MYO18B: variants seen among roughly 807,000 people sequenced by gnomAD.
MYO18B encodes myosin XVIIIB.
MYO18B carries 204 observed loss-of-function variants against 273.0 expected under a neutral mutation model. The observed-to-expected ratio is 0.75, with a 90% CI of 0.67 to 0.84. The LOEUF is 0.84. Ranked by LOEUF, MYO18B falls within the 40% of genes least tolerant of loss-of-function variation. The pLI, the probability that MYO18B is intolerant of heterozygous loss-of-function variation, is 0.00. For missense variants in MYO18B, 3,212 were observed against 3,287.6 expected, an observed-to-expected ratio of 0.98 and a Z score of 0.56; for synonymous variants, 1,330 against 1,305.7, an observed-to-expected ratio of 1.02 and a Z score of -0.40.
At position 25,898,319 on chromosome 22, in the gene MYO18B, C is replaced by CA. The variant is rs1176542971; in HGVS notation, c.4684dup (p.Ser1562LysfsTer4). Reference sequence around the variant, plus strand: ...ATTACTCTTACAGCTTGGGGAGTTGCAAAGTGCTTATGACGGGGCCAAGAA... The same window carrying CA: ...ATTACTCTTACAGCTTGGGGAGTTGCAAAAGTGCTTATGACGGGGCCAAGAA... On this transcript the variant is annotated frameshift_variant, in exon 29 of 44. Transcript: ENST00000335473. LOFTEE classifies it high-confidence loss of function. 4.3e-6 allele frequency: 7 copies of CA among 1,613,478 alleles called. No individual in the cohort carries two copies. Among genetic ancestry groups the CA allele is most frequent in the Non-Finnish European group, 5.9e-6 (7 of 1,179,692 alleles).
chr22:26,032,445 C>T (rs1358444544), downstream of MYO18B, among the ~76,000 whole-genome samples: 3 of 151,430 alleles, frequency 2.0e-5, no homozygotes, highest in Non-Finnish European at 1.5e-5. Context: ...TCTGTGTCCA[C>T]ATTTTTCTCT....
chr22:26,001,338 T>A (rs8137159), intron 40 of MYO18B, among the ~76,000 whole-genome samples: 5,369 of 152,232 alleles, frequency 0.035, 125 homozygotes, highest in African/African-American at 0.059. Flanking sequence ...CTCCAAGGTA[T>A]AGATGGCGCA....
chr22:25,937,516 T>C (rs1240536317), intron 34 of MYO18B, among the ~76,000 whole-genome samples: 1 of 151,926 alleles, frequency 6.6e-6, no homozygotes, highest in African/African-American at 2.4e-5. Flanking sequence ...TCTTAAGATA[T>C]TCTCCCCCAT....
chr22:25,946,205 G>A lies in MYO18B; in HGVS notation c.5586G>A (p.Glu1862=), dbSNP rs775052563. Residue 1862 remains glutamate (E), a synonymous_variant, in exon 35 of 44, where the codon GAG becomes GAA. Transcript: ENST00000335473. ...AGAAGGTGCTCACAGCGGACCTGGAGAGCATGCACAGCGAGCTGGAGAACA... is the reference window on the plus strand; with the variant it reads ...AGAAGGTGCTCACAGCGGACCTGGAAAGCATGCACAGCGAGCTGGAGAACA... ...KTQKVLTADL[E]SMHSELENMT... 1.2e-5 allele frequency: 19 copies of A among 1,584,330 alleles called. No individual in the cohort carries two copies. In the South Asian group the frequency reaches 2.2e-4, roughly 18 times the overall value.
rs147527150 is a variant in MYO18B, at chr22:25,794,132, A to C, written c.2377-3821A>C. Among the ~76,000 whole-genome samples the C allele has an allele frequency of 6.6e-4, 100 of 151,930 alleles. 1 individual carries two copies. The East Asian group carries it at 0.018, about 27-fold the overall frequency. ...GTATTTTTGGTAGAGACGGGGTTTC[A>C]CTGGTTAACCAGGATGGTCTCGATC... On this transcript the variant is annotated intron_variant, in intron 11 of 43. Transcript: ENST00000335473.
chr22:25,769,497 AG>A (rs2086637832), intron 4 of MYO18B, 69 bp downstream of exon 4: 2 of 1,361,886 alleles, frequency 1.5e-6, no homozygotes, highest in Non-Finnish European at 9.8e-7. Context: ...GGGATGGGAA[AG>A]ATCTGCCCCA....
chr22:25,989,160 G>A (rs2093233899), intron 39 of MYO18B, among the ~76,000 whole-genome samples: 1 of 152,126 alleles, frequency 6.6e-6, no homozygotes, highest in African/African-American at 2.4e-5. Flanking sequence ...ACGAGGAGGG[G>A]ATGTCTGTAC....
chr22:26,017,038 TTCCTTCC>T (rs1935395327), intron 42 of MYO18B, among the ~76,000 whole-genome samples: 4 of 28,596 alleles, frequency 1.4e-4, no homozygotes. Flanking sequence ...CCTTCCTTCC[TTCCTTCC>T]TTCCTTCCTT....
At chr22:25,848,635 C>T (rs922230534) in intron 20 of MYO18B, among the ~76,000 whole-genome samples, 6 of 152,108 alleles carry the variant, frequency 3.9e-5, no homozygotes, top group African/African-American at 1.4e-4. Context: ...GTTTTTGGGT[C>T]TGTATTTTAG....
intron 39 of MYO18B, among the ~76,000 whole-genome samples, chr22:25,984,046 G>A (rs971626635): frequency 2.6e-5 from 4 of 152,206 alleles, no homozygotes; most frequent in African/African-American, 7.2e-5. Context: ...CGTATTTCCC[G>A]TGTCTTTACT....
chr22:25,799,637 C>A (rs2088097642), intron 12 of MYO18B, among the ~76,000 whole-genome samples: 1 of 152,224 alleles, frequency 6.6e-6, no homozygotes, highest in Non-Finnish European at 1.5e-5. Context: ...GCAGTAGAAT[C>A]TTCGAGAAGG....
intron 39 of MYO18B, chr22:25,959,154 C>G (rs939794001): frequency 6.6e-6 from 1 of 152,128 alleles, no homozygotes; most frequent in African/African-American, 2.4e-5. Flanking sequence ...GGGGCATGCA[C>G]TGTGATTTGA....
intron 11 of MYO18B, among the ~76,000 whole-genome samples, chr22:25,789,151 A>T (rs1601698904): frequency 7.1e-6 from 1 of 139,918 alleles, no homozygotes; most frequent in Admixed American, 7.5e-5. Flanking sequence ...CTCCTCCATC[A>T]TCAAGGATGG....
At chr22:25,838,487 C>T (rs1180536474) in intron 17 of MYO18B, among the ~76,000 whole-genome samples, 2 of 152,160 alleles carry the variant, frequency 1.3e-5, no homozygotes, top group Non-Finnish European at 2.9e-5. Context: ...CACACACAGT[C>T]ATGCACCACA....
intron 42 of MYO18B, among the ~76,000 whole-genome samples, chr22:26,005,215 T>G (rs1034860111): frequency 9.9e-5 from 15 of 152,220 alleles, no homozygotes; most frequent in African/African-American, 3.6e-4. Flanking sequence ...GCCTTCTACT[T>G]AAGGCACATC....
At chr22:25,889,485 C>T (rs1313926389) in intron 25 of MYO18B, among the ~76,000 whole-genome samples, 2 of 152,028 alleles carry the variant, frequency 1.3e-5, no homozygotes, top group Non-Finnish European at 2.9e-5. Context: ...GACCAAGGCT[C>T]CAGAGCAGGA....
At chr22:26,000,581 CTT>C (rs59924200) in intron 40 of MYO18B, among the ~76,000 whole-genome samples, 69 of 144,202 alleles carry the variant, frequency 4.8e-4, no homozygotes, top group Non-Finnish European at 5.4e-4. Context: ...GCCTGAAAGC[CTT>C]TTTTTTTTTT....
In MYO18B at chr22:25,780,152, C is replaced by T. The variant is rs764093545; in HGVS notation, c.2165C>T (p.Ser722Leu). 19 of 1,606,740 alleles carry T rather than the reference C, an allele frequency of 1.2e-5. No individual in the cohort carries two copies. The highest frequency in any genetic ancestry group is 3.4e-5 in the South Asian group (3 of 89,386). Residue 722 changes from serine (S) to leucine (L), a missense_variant, in exon 9 of 44, where the codon TCG (serine) becomes TTG (leucine). Transcript: ENST00000335473. ...RSATRFSMVM[S>L]LDFNATGRIT... Reference sequence around the variant, plus strand: ...GCCACCCGGTTCTCCATGGTGATGTCGCTGGACTTCAACGCTACAGGCCGC... The same window carrying T: ...GCCACCCGGTTCTCCATGGTGATGTTGCTGGACTTCAACGCTACAGGCCGC...
At position 25,828,816 on chromosome 22, in the gene MYO18B, G is replaced by A. The variant is rs999615024; in HGVS notation, c.2827G>A (p.Val943Met). Residue 943 changes from valine (V) to methionine (M), a missense_variant, in exon 15 of 44, where the codon GTG becomes ATG. By Grantham distance (21) the Val-to-Met change is conservative. Transcript: ENST00000335473. ...SHHLSMASIM[V>M]VDSPGFQNPR... ...CCATCTCTCCATGGCCTCCATCATG[G>A]TGGTGGACTCTCCAGGCTTCCAGAA... is the stretch of plus-strand genomic sequence containing the variant. 1 of 1,613,856 alleles carries A rather than the reference G, an allele frequency of 6.2e-7. No individual in the cohort carries two copies. The highest frequency in any genetic ancestry group is 2.2e-5 in the East Asian group (1 of 44,884).
Sources: allele counts gnomAD v4.1 joint callset (sites outside exome capture counted in the v4.1 genomes callset), GRCh38; gene constraint gnomAD v4.1.1; transcripts MANE v1.5; gene names NCBI Gene and HGNC (gene_info 2026-07-23, HGNC 2026-07-21).